TULP3: variants seen among roughly 807,000 people sequenced by gnomAD.
TULP3 encodes tubby-related protein 3.
A neutral mutation model predicts 50.7 loss-of-function variants in TULP3; 38 were observed. The ratio of observed to expected loss-of-function variants is 0.75; its 90% CI spans 0.58 to 0.98. TULP3 has a LOEUF of 0.98. Ranked by LOEUF, TULP3 falls within the 50% of genes least tolerant of loss-of-function variation. The pLI, the probability that TULP3 is intolerant of heterozygous loss-of-function variation, is 0.00. For missense variants in TULP3, 550 were observed against 568.0 expected, an observed-to-expected ratio of 0.97 and a Z score of 0.32; for synonymous variants, 183 against 196.6, an observed-to-expected ratio of 0.93 and a Z score of 0.58.
intron 2 of TULP3, among the ~76,000 whole-genome samples, chr12:2,913,497 C>T (rs577627617): frequency 6.6e-6 from 1 of 152,208 alleles, no homozygotes; most frequent in Non-Finnish European, 1.5e-5. Flanking sequence ...CTTGTGACTT[C>T]AAGTGATCCT....
intron 4 of TULP3, among the ~76,000 whole-genome samples, chr12:2,923,721 T>G (rs2153949751): frequency 6.6e-6 from 1 of 150,820 alleles, no homozygotes; most frequent in African/African-American, 2.4e-5. Flanking sequence ...CCTATAATCC[T>G]AACACTCTGG....
rs56027951 is a variant in TULP3 at position 2,911,664 on chromosome 12, CTTTTTTTTTTTTTTTTTTTTTTTTTTT to C, written c.93+2101_93+2127del. Reference sequence around the variant, plus strand: ...ACAGGCGTGAGCCACTGCGCCCAGCCTTTTTTTTTTTTTTTTTTTTTTTTTTTTTTTTTTTTTTTTTTTGAGTCAGTG... The same window carrying C: ...ACAGGCGTGAGCCACTGCGCCCAGCCTTTTTTTTTTTTTTTTGAGTCAGTG... On this transcript the variant is annotated intron_variant, in intron 2 of 10. Transcript: ENST00000448120. 5.5e-4 allele frequency among the ~76,000 whole-genome samples: 21 copies of C among 38,172 alleles called. 1 individual carries two copies. The highest frequency in any genetic ancestry group is 2.0e-3 in the Admixed American group (5 of 2,470). 25.0% of individuals were successfully genotyped at this position (38,172 alleles called of 152,430 possible).
At chr12:2,892,222 C>T (rs192369881) in intron 1 of TULP3, among the ~76,000 whole-genome samples, 2 of 151,422 alleles carry the variant, frequency 1.3e-5, no homozygotes, top group African/African-American at 4.8e-5. Flanking sequence ...TCGTCAAGTT[C>T]TATTGAGGTG....
chr12:2,903,230 T>A (rs1448762154), intron 1 of TULP3, among the ~76,000 whole-genome samples: 3 of 152,202 alleles, frequency 2.0e-5, no homozygotes, highest in African/African-American at 7.2e-5. Context: ...TATATTTTCT[T>A]TTTTTCTCTT....
At chr12:2,929,822 T>C (rs992797011) in intron 4 of TULP3, among the ~76,000 whole-genome samples, 4 of 151,504 alleles carry the variant, frequency 2.6e-5, no homozygotes, top group African/African-American at 2.4e-5. Context: ...ATCTCCTGAC[T>C]TCGTGATCTG....
intron 1 of TULP3, among the ~76,000 whole-genome samples, chr12:2,896,528 T>A (rs2098175665): frequency 6.6e-6 from 1 of 152,232 alleles, no homozygotes; most frequent in Admixed American, 6.5e-5. Flanking sequence ...TTGGGCTCTT[T>A]CGCTGATCAG....
At chr12:2,931,010 G>A (rs1274125752) in intron 5 of TULP3, 27 bp from the exon 6 acceptor site, 1 of 1,613,284 alleles carries the variant, frequency 6.2e-7, no homozygotes, top group East Asian at 2.2e-5. Context: ...TCGGCCTGTT[G>A]TTGCTCATGT....
intron 2 of TULP3, among the ~76,000 whole-genome samples, chr12:2,920,534 C>T (rs948638885): frequency 1.3e-5 from 2 of 151,876 alleles, no homozygotes; most frequent in Non-Finnish European, 2.9e-5. Flanking sequence ...AAAGCATCAT[C>T]TGATTTTAAA....
rs375307923 is a variant in TULP3 at position 2,920,736 on chromosome 12, C to T, written c.94-27C>T. The T allele has an allele frequency of 1.3e-5, 21 of 1,612,338 alleles. No individual in the cohort carries two copies. In the African/African-American group the frequency reaches 2.0e-4, roughly 15 times the overall value. The stretch of plus-strand genomic sequence containing the variant: ...TTAGGTCATGTCAAAACTCTCCTTG[C>T]TGGCTGTCATATCGCTTTTTTCCCA... On this transcript the variant is annotated intron_variant, in intron 2 of 10. Coordinates refer to ENST00000448120, the MANE Select transcript of TULP3 (RefSeq NM_003324.5).
chr12:2,897,699 A>G (rs988004720), intron 1 of TULP3, among the ~76,000 whole-genome samples: 31 of 146,570 alleles, frequency 2.1e-4, no homozygotes, highest in Non-Finnish European at 3.0e-5. Context: ...GCCTCAAGTG[A>G]TTCTCCCACC....
intron 1 of TULP3, among the ~76,000 whole-genome samples, chr12:2,901,308 CTTTCTTTTT>C (rs1306726368): frequency 3.7e-4 from 37 of 99,496 alleles, no homozygotes; most frequent in African/African-American, 1.4e-3. Context: ...TTCTTTCTTT[CTTTCTTTTT>C]TTTTTTTTTT....
At chr12:2,925,591 A>C (rs2098194264) in intron 4 of TULP3, among the ~76,000 whole-genome samples, 1 of 152,170 alleles carries the variant, frequency 6.6e-6, no homozygotes, top group African/African-American at 2.4e-5. Flanking sequence ...AATAGTTGTA[A>C]TAGTGCCTTG....
intron 3 of TULP3, among the ~76,000 whole-genome samples, chr12:2,921,194 A>G (rs2098191485): frequency 6.6e-6 from 1 of 152,032 alleles, no homozygotes; most frequent in African/African-American, 2.4e-5. Context: ...GCTGGAGTGC[A>G]ATGGCGCGAT....
intron 1 of TULP3, 33 bp from the exon 2 acceptor site, chr12:2,909,496 A>G (rs566879141): frequency 6.4e-7 from 1 of 1,555,674 alleles, no homozygotes. Context: ...TTTTCTTTTT[A>G]TATACTTGCT....
intron 1 of TULP3, among the ~76,000 whole-genome samples, chr12:2,893,327 G>GGTTTTTTTTTTTTTTTTTTTTT (rs1555110454): frequency 7.8e-6 from 1 of 128,162 alleles, no homozygotes. Flanking sequence ...TGTTTAATGT[G>GGTTTTTTTTTTTTTTTTTTTTT]TTTTTTTTTT....
At chr12:2,907,659 A>C (rs200868673) in intron 1 of TULP3, among the ~76,000 whole-genome samples, 139 of 44,590 alleles carry the variant, frequency 3.1e-3, no homozygotes, top group African/African-American at 0.014. Context: ...AAAAAAAAAA[A>C]AATTTTTTAT....
intron 2 of TULP3, among the ~76,000 whole-genome samples, chr12:2,910,797 TACAC>T (rs540803747): frequency 6.6e-6 from 1 of 152,056 alleles, no homozygotes; most frequent in Non-Finnish European, 1.5e-5. Flanking sequence ...AAAATTCTGT[TACAC>T]ACACACACAT....
At chr12:2,903,285 G>A (rs151154410) in intron 1 of TULP3, among the ~76,000 whole-genome samples, 1,910 of 151,710 alleles carry the variant, frequency 0.013, 47 homozygotes, top group African/African-American at 0.043. Flanking sequence ...AAATTTGGCC[G>A]GGCACGGTGG....
intron 1 of TULP3, among the ~76,000 whole-genome samples, chr12:2,901,081 C>G (rs755955679): frequency 1.3e-5 from 2 of 151,754 alleles, no homozygotes; most frequent in African/African-American, 2.4e-5. Flanking sequence ...ATTACCCATT[C>G]GGAAAAGTTC....
Sources: gnomAD v4.1 joint callset for allele counts (sites outside exome capture counted in the v4.1 genomes callset) on GRCh38, gnomAD v4.1.1 for gene constraint, MANE v1.5 for transcripts, NCBI Gene and HGNC (gene_info 2026-07-23, HGNC 2026-07-21) for gene names.